PPP3CA: variants seen among roughly 807,000 people sequenced by gnomAD.
PPP3CA encodes CAM-PRP catalytic subunit.
A neutral mutation model predicts 66.5 loss-of-function variants in PPP3CA; 14 were observed. The ratio of observed to expected loss-of-function variants is 0.21; its 90% confidence interval spans 0.14 to 0.33. PPP3CA has a LOEUF of 0.33. Ranked by LOEUF, PPP3CA falls within the 10% of genes least tolerant of loss-of-function variation. PPP3CA has a pLI of 1.00. For missense variants in PPP3CA, 317 were observed against 639.5 expected, an observed-to-expected ratio of 0.50 and a Z score of 5.44; for synonymous variants, 232 against 226.2, an observed-to-expected ratio of 1.03 and a Z score of -0.23.
intron 1 of PPP3CA, among the ~76,000 whole-genome samples, chr4:101,204,796 A>C (rs1725081245): frequency 6.6e-6 from 1 of 151,890 alleles, no homozygotes. Context: ...TAAACTTAGA[A>C]TTATAAATAT....
At chr4:101,308,685 C>G (rs1225169014) in intron 1 of PPP3CA, among the ~76,000 whole-genome samples, 1 of 152,100 alleles carries the variant, frequency 6.6e-6, no homozygotes, top group East Asian at 1.9e-4. Flanking sequence ...CTCTCACTCT[C>G]AAAGCACTGG....
intron 1 of PPP3CA, among the ~76,000 whole-genome samples, chr4:101,239,924 T>C (rs1726247103): frequency 6.6e-6 from 1 of 151,952 alleles, no homozygotes; most frequent in Admixed American, 6.6e-5. Flanking sequence ...CACATTTTAC[T>C]GTACACTGAC....
chr4:101,181,023 G>C (rs1724219953), intron 2 of PPP3CA, among the ~76,000 whole-genome samples: 1 of 151,962 alleles, frequency 6.6e-6, no homozygotes, highest in African/African-American at 2.4e-5. Flanking sequence ...CTACATTCCA[G>C]GTGAGTGACA....
intron 2 of PPP3CA, among the ~76,000 whole-genome samples, chr4:101,188,978 T>C (rs1314176302): frequency 2.0e-5 from 3 of 152,024 alleles, no homozygotes; most frequent in Non-Finnish European, 4.4e-5. Flanking sequence ...GCATGAAAAA[T>C]TTATATTCTT....
chr4:101,314,560 T>A (rs1298535103), intron 1 of PPP3CA, among the ~76,000 whole-genome samples: 4 of 97,670 alleles, frequency 4.1e-5, no homozygotes, highest in Non-Finnish European at 1.8e-5. Flanking sequence ...CAAGACTCCA[T>A]CTCAAAACCA....
At chr4:101,063,848 T>C (rs1184206253) in intron 8 of PPP3CA, among the ~76,000 whole-genome samples, 2 of 151,972 alleles carry the variant, frequency 1.3e-5, no homozygotes, top group Non-Finnish European at 2.9e-5. Flanking sequence ...TTTAAATTAA[T>C]ATAATAATTG....
chr4:101,029,297 A>AATG, intron 12 of PPP3CA, 102 bp from the exon 13 acceptor site: 1 of 936,118 alleles, frequency 1.1e-6, no homozygotes, highest in Non-Finnish European at 1.7e-6. Context: ...TAAGAGAACT[A>AATG]ATGTTCCTGT....
chr4:101,097,346 T>C (rs1730240362), intron 5 of PPP3CA, among the ~76,000 whole-genome samples: 1 of 152,154 alleles, frequency 6.6e-6, no homozygotes, highest in South Asian at 2.1e-4. Context: ...AAGCGTATTT[T>C]CTTAGGTCTC....
chr4:101,151,495 G>A (rs1307166737), intron 2 of PPP3CA, among the ~76,000 whole-genome samples: 2 of 149,914 alleles, frequency 1.3e-5, no homozygotes, highest in Non-Finnish European at 3.0e-5. Context: ...GGAGGTGGAG[G>A]TTGCAGTGAG....
At chr4:101,176,374 T>C (rs1724059594) in intron 2 of PPP3CA, among the ~76,000 whole-genome samples, 1 of 152,144 alleles carries the variant, frequency 6.6e-6, no homozygotes, top group Non-Finnish European at 1.5e-5. Flanking sequence ...ACCTTCTCCA[T>C]TGTTATTCGG....
chr4:101,204,291 G>A (rs1725059598), intron 1 of PPP3CA, among the ~76,000 whole-genome samples: 1 of 152,076 alleles, frequency 6.6e-6, no homozygotes. Flanking sequence ...ATTGGCATGA[G>A]CCACCACACC....
At chr4:101,225,447 CT>C (rs1268743021) in intron 1 of PPP3CA, among the ~76,000 whole-genome samples, 2 of 151,742 alleles carry the variant, frequency 1.3e-5, no homozygotes, top group African/African-American at 2.4e-5. Flanking sequence ...ATAAATAGTT[CT>C]TTACAAGCCT....
intron 1 of PPP3CA, among the ~76,000 whole-genome samples, chr4:101,316,884 T>C (rs937312450): frequency 6.6e-6 from 1 of 152,224 alleles, no homozygotes; most frequent in African/African-American, 2.4e-5. Context: ...GTCAGTCTTA[T>C]AGTAAAGCAT....
chr4:101,285,360 C>T (rs960052601), intron 1 of PPP3CA, among the ~76,000 whole-genome samples: 4 of 152,112 alleles, frequency 2.6e-5, no homozygotes, highest in Admixed American at 2.6e-4. Context: ...CTTATACTTT[C>T]CCTGCTAAAT....
At chr4:101,057,394 T>C (rs1252769105) in intron 10 of PPP3CA, among the ~76,000 whole-genome samples, 1 of 152,228 alleles carries the variant, frequency 6.6e-6, no homozygotes, top group African/African-American at 2.4e-5. Context: ...CTTTCATTTC[T>C]GTATTTCTTC....
intron 9 of PPP3CA, among the ~76,000 whole-genome samples, chr4:101,062,785 C>T (rs977674044): frequency 2.0e-5 from 3 of 151,964 alleles, no homozygotes; most frequent in Non-Finnish European, 4.4e-5. Context: ...AGCCATTAAG[C>T]ACTATCGTAC....
intron 12 of PPP3CA, among the ~76,000 whole-genome samples, chr4:101,029,585 A>G (rs907844314): frequency 4.6e-5 from 7 of 151,942 alleles, no homozygotes; most frequent in Non-Finnish European, 1.0e-4. Flanking sequence ...AACCTCTGCT[A>G]TGCTTGGTGA....
chr4:101,121,745 T>C (rs1376028784), intron 2 of PPP3CA, among the ~76,000 whole-genome samples: 2 of 152,190 alleles, frequency 1.3e-5, no homozygotes. Flanking sequence ...TTAAAAATAA[T>C]GAGTAACTTT....
chr4:101,148,507 C>T (rs546289442), intron 2 of PPP3CA, among the ~76,000 whole-genome samples: 3 of 152,214 alleles, frequency 2.0e-5, no homozygotes, highest in African/African-American at 4.8e-5. Flanking sequence ...ATTTTTTATA[C>T]TTACAAATAG....
Sources: allele counts gnomAD v4.1 joint callset (sites outside exome capture counted in the v4.1 genomes callset), GRCh38; gene constraint gnomAD v4.1.1; transcripts MANE v1.5; gene names NCBI Gene and HGNC (gene_info 2026-07-23, HGNC 2026-07-21).